MITF: variants seen among roughly 807,000 people sequenced by gnomAD.
The protein encoded by MITF is melanocyte inducing transcription factor, also known as microphthalmia-associated transcription factor.
In MITF, 17 loss-of-function variants were observed where a neutral mutation model predicts 60.5. The ratio of observed to expected loss-of-function variants is 0.28; its 90% CI spans 0.19 to 0.42. The LOEUF (loss-of-function observed/expected upper bound fraction) is 0.42, where lower values mean the gene tolerates loss of function less well. Ranked by LOEUF, MITF falls within the 10% of genes least tolerant of loss-of-function variation. The pLI, the probability that MITF is intolerant of heterozygous loss-of-function variation, is 1.00. For missense variants in MITF, 622 were observed against 683.5 expected (o/e 0.91, Z 1.00); for synonymous variants, 260 against 248.5 (o/e 1.05, Z -0.43).
chr3:69,866,410 T>C, intron 1 of MITF: 4 of 1,595,996 alleles, frequency 2.5e-6, no homozygotes, highest in Non-Finnish European at 3.4e-6. Flanking sequence ...TTTTTTTCTC[T>C]TTAAGGGGGA....
chr3:69,907,396 T>C (rs1009160279), intron 2 of MITF, among the ~76,000 whole-genome samples: 37 of 152,174 alleles, frequency 2.4e-4, no homozygotes, highest in African/African-American at 8.0e-4. Context: ...TGGATATCTA[T>C]GTACCAGGCA....
intron 9 of MITF, among the ~76,000 whole-genome samples, chr3:69,960,506 C>A (rs1254986324): frequency 2.0e-5 from 3 of 152,078 alleles, no homozygotes; most frequent in Non-Finnish European, 4.4e-5. Context: ...CTGAAATGAT[C>A]CTCAAAAACA....
chr3:69,794,576 G>GCTTGA (rs1384943503), intron 1 of MITF, among the ~76,000 whole-genome samples: 1 of 152,092 alleles, frequency 6.6e-6, no homozygotes, highest in Admixed American at 6.6e-5. Context: ...TGGTAGCTTG[G>GCTTGA]TCATCAGGGT....
chr3:69,928,092 C>T (rs956804477), intron 2 of MITF, among the ~76,000 whole-genome samples: 3 of 152,124 alleles, frequency 2.0e-5, no homozygotes, highest in Non-Finnish European at 2.9e-5. Flanking sequence ...TCCAATAAAA[C>T]CTTATTGACA....
intron 1 of MITF, chr3:69,762,823 A>G (rs934700115): frequency 1.4e-4 from 31 of 223,726 alleles, no homozygotes; most frequent in Non-Finnish European, 2.2e-4. Context: ...GGGAATGTGT[A>G]GTGGGTACTG....
intron 1 of MITF, among the ~76,000 whole-genome samples, chr3:69,862,228 C>A (rs2064029727): frequency 6.6e-6 from 1 of 152,040 alleles, no homozygotes; most frequent in African/African-American, 2.4e-5. Flanking sequence ...CTTAAATCTC[C>A]TGTATTTATT....
intron 7 of MITF, 58 bp from the exon 8 acceptor site, chr3:69,956,397 T>G: frequency 7.5e-7 from 1 of 1,336,574 alleles, no homozygotes; most frequent in Non-Finnish European, 1.1e-6. Context: ...TAATGAGATG[T>G]GCTAAATGCA....
chr3:69,759,809 G>A (rs374564763), intron 1 of MITF, among the ~76,000 whole-genome samples: 1 of 151,786 alleles, frequency 6.6e-6, no homozygotes, highest in African/African-American at 2.4e-5. Context: ...ACAAAGTCTC[G>A]CTCTGTCGTC....
intron 1 of MITF, among the ~76,000 whole-genome samples, chr3:69,769,971 G>T (rs1474332436): frequency 6.6e-6 from 1 of 152,130 alleles, no homozygotes; most frequent in Non-Finnish European, 1.5e-5. Context: ...ATTCAACTGG[G>T]CATTCTGTAT....
At chr3:69,890,858 T>C (rs1160883986) in intron 2 of MITF, among the ~76,000 whole-genome samples, 2 of 152,168 alleles carry the variant, frequency 1.3e-5, no homozygotes, top group Non-Finnish European at 2.9e-5. Context: ...TAAACTGTGT[T>C]AGAGAGATTT....
At chr3:69,814,023 G>T (rs113453316) in intron 1 of MITF, among the ~76,000 whole-genome samples, 214 of 152,114 alleles carry the variant, frequency 1.4e-3, no homozygotes, top group African/African-American at 5.1e-3. Context: ...TGGTGGTATG[G>T]CTGGCTCATG....
intron 1 of MITF, among the ~76,000 whole-genome samples, chr3:69,786,138 A>G (rs898958732): frequency 2.0e-5 from 3 of 152,214 alleles, no homozygotes; most frequent in Non-Finnish European, 2.9e-5. Context: ...TCTAAGGTGG[A>G]GTGAGCTTTG....
rs1391524105 is a variant in MITF at position 69,879,114 on chromosome 3, G to T, written c.105-20G>T. ...CTCATTAGGAAACTAAATGTTGTAT[G>T]CATTTTGGTTTTCCCACAGCAGTTC... On this transcript the variant is annotated intron_variant, in intron 1 of 9. Coordinates refer to ENST00000352241, the MANE Select transcript of MITF (RefSeq NM_001354604.2). 1.9e-6 allele frequency: 3 copies of T among 1,604,474 alleles called. No homozygotes were observed. Among genetic ancestry groups the T allele is most frequent in the Admixed American group, 3.3e-5 (2 of 59,990 alleles).
At position 69,965,522 on chromosome 3, in the gene MITF, A is replaced by G; in HGVS notation, c.*274A>G. 1 of 314,928 alleles carries G rather than the reference A, an allele frequency of 3.2e-6. No individual in the cohort carries two copies. 19.5% of individuals were successfully genotyped at this position (314,928 alleles called of 1,614,324 possible). ...ACCACAGACTTTAGCTTTCTGAGCA[A>G]GAGGATTTTGCGTCAGAGAAATGTC... On this transcript the variant is annotated 3_prime_UTR_variant, in exon 10 of 10. Transcript: ENST00000352241.
rs1034681504 is a variant in MITF, at chr3:69,967,247, G to A, written c.*1999G>A. 8.6e-6 allele frequency: 2 copies of A among 232,314 alleles called. No homozygotes were observed. The highest frequency in any genetic ancestry group is 5.6e-5 in the Admixed American group (1 of 17,744). The allele number at this position is 232,314 out of a possible 1,614,324, so 14.4% of individuals were successfully genotyped here. A position where few individuals can be genotyped will look rare whatever the true frequency, so the allele number is the denominator to read the frequency against. ...CAGTTTTATAGCTTTATTTCTTAAG[G>A]GGGTAGGGAAAATTAGTTCCCATTC... On this transcript the variant is annotated 3_prime_UTR_variant, in exon 10 of 10. Transcript: ENST00000352241.
chr3:69,800,078 A>T (rs772080283), intron 1 of MITF, among the ~76,000 whole-genome samples: 1 of 152,164 alleles, frequency 6.6e-6, no homozygotes, highest in African/African-American at 2.4e-5. Context: ...CATCACCCCA[A>T]TAAGAAGCTT....
intron 2 of MITF, among the ~76,000 whole-genome samples, chr3:69,895,808 TTGTGTGTGTGTGTGTGTG>T (rs35088149): frequency 5.7e-5 from 8 of 140,146 alleles, no homozygotes; most frequent in African/African-American, 1.8e-4. Context: ...TGTGGAGTGT[TTGTGTGTGTGTGTGTGTG>T]TGTGTGTGTG....
chr3:69,883,716 T>TCTCA (rs1410111194), intron 2 of MITF, among the ~76,000 whole-genome samples: 3 of 152,126 alleles, frequency 2.0e-5, no homozygotes, highest in African/African-American at 7.2e-5. Flanking sequence ...ATGTAGTGTG[T>TCTCA]CTCAGATCAG....
At chr3:69,869,467 A>G (rs1020732476) in intron 1 of MITF, among the ~76,000 whole-genome samples, 1 of 152,218 alleles carries the variant, frequency 6.6e-6, no homozygotes, top group Non-Finnish European at 1.5e-5. Context: ...ATGTTTGGAA[A>G]TGAATACTAA....
Sources: allele counts gnomAD v4.1 joint callset (sites outside exome capture counted in the v4.1 genomes callset), GRCh38; gene constraint gnomAD v4.1.1; transcripts MANE v1.5; gene names NCBI Gene and HGNC (gene_info 2026-07-23, HGNC 2026-07-21).